Variants in SMIM35 observed in about 807,000 individuals in gnomAD.
SMIM35 encodes the protein TMPRSS4 antisense RNA 1 (non-protein coding).
At chr11:118,049,225 G>A (rs916347714) in intron 1 of SMIM35, among the ~76,000 whole-genome samples, 1 of 152,036 alleles carries the variant, frequency 6.6e-6, no homozygotes, top group African/African-American at 2.4e-5. Context: ...CCTGCCAAGA[G>A]TGGCCGGGAG....
At chr11:118,028,782 A>G in intron 1 of SMIM35, 1 of 451,200 alleles carries the variant, frequency 2.2e-6, no homozygotes, top group South Asian at 1.6e-5. Flanking sequence ...AAGCAAAAGG[A>G]GGAGGAGGAA....
At chr11:118,015,495 G>A (rs534335048) in intron 2 of SMIM35, among the ~76,000 whole-genome samples, 198 bp downstream of exon 2, 14 of 152,162 alleles carry the variant, frequency 9.2e-5, no homozygotes, top group African/African-American at 3.1e-4. Flanking sequence ...CCATTCCCTC[G>A]ATAAAAGTAC....
chr11:118,023,927 C>T (rs910685415), intron 1 of SMIM35, among the ~76,000 whole-genome samples: 12 of 150,812 alleles, frequency 8.0e-5, no homozygotes, highest in Non-Finnish European at 1.6e-4. Flanking sequence ...ACCAGCAACT[C>T]GGGAGGCTGA....
intron 1 of SMIM35, among the ~76,000 whole-genome samples, chr11:118,055,014 G>A (rs557411073): frequency 2.0e-4 from 31 of 151,958 alleles, no homozygotes; most frequent in Admixed American, 6.6e-4. Context: ...CAAGTTGATC[G>A]GGCTGGACTC....
chr11:118,046,698 C>T (rs1944101676), intron 1 of SMIM35, among the ~76,000 whole-genome samples: 1 of 152,218 alleles, frequency 6.6e-6, no homozygotes, highest in African/African-American at 2.4e-5. Context: ...TCCAAGGAAA[C>T]TCTCCAGAGG....
chr11:118,042,763 T>G (rs553350117), intron 1 of SMIM35, among the ~76,000 whole-genome samples: 20 of 152,312 alleles, frequency 1.3e-4, no homozygotes, highest in East Asian at 5.8e-4. Context: ...AACAAAATAC[T>G]AGCAAACCAA....
intron 1 of SMIM35, among the ~76,000 whole-genome samples, chr11:118,018,711 G>A (rs1026074957): frequency 3.3e-5 from 5 of 152,176 alleles, no homozygotes; most frequent in Non-Finnish European, 7.3e-5. Flanking sequence ...CTGAGGTGAG[G>A]GAAGGAGATG....
intron 1 of SMIM35, among the ~76,000 whole-genome samples, chr11:118,023,163 G>A (rs1382482709): frequency 6.6e-6 from 1 of 151,816 alleles, no homozygotes; most frequent in East Asian, 2.0e-4. Context: ...GACCCATAAT[G>A]AACAGAACAA....
chr11:118,031,808 A>G (rs772892675), intron 1 of SMIM35: 2 of 151,976 alleles, frequency 1.3e-5, no homozygotes, highest in Non-Finnish European at 2.9e-5. Context: ...TGAGACAAAC[A>G]GAAATGGCAT....
chr11:118,019,159 T>A (rs2058206441), intron 1 of SMIM35, among the ~76,000 whole-genome samples: 1 of 152,222 alleles, frequency 6.6e-6, no homozygotes. Flanking sequence ...TTTACATGTT[T>A]TCAAACTTTA....
Position 118,081,924 on chromosome 11 carries a change from G to C in SMIM35, c.7+4827C>G, listed in dbSNP as rs530336290. 1.1e-3 allele frequency among the ~76,000 whole-genome samples: 164 copies of C among 152,256 alleles called. 1 individual carries two copies. Among genetic ancestry groups the C allele is most frequent in the African/African-American group, 3.7e-3 (155 of 41,552 alleles). ...ACTGCTTTCCCACACTCCAGACAAA[G>C]CCTGACACTCACTCACTCACTGATG... is the stretch of plus-strand genomic sequence containing the variant. On this transcript the variant is annotated intron_variant, in intron 1 of 4. Coordinates refer to ENST00000689828, the MANE Select transcript of SMIM35 (RefSeq NM_001394165.1).
intron 1 of SMIM35, among the ~76,000 whole-genome samples, chr11:118,076,792 A>G (rs188437028): frequency 1.7e-3 from 261 of 151,890 alleles, no homozygotes; most frequent in African/African-American, 5.9e-3. Context: ...AAACCAAAGC[A>G]CCCACACAGT....
intron 1 of SMIM35, among the ~76,000 whole-genome samples, chr11:118,054,126 G>A (rs1001251291): frequency 1.3e-5 from 2 of 148,570 alleles, no homozygotes; most frequent in African/African-American, 4.9e-5. Flanking sequence ...GTTCGAATTT[G>A]TTTTATGCAG....
chr11:118,036,826 T>C (rs1652862894), intron 1 of SMIM35, among the ~76,000 whole-genome samples: 2 of 152,222 alleles, frequency 1.3e-5, no homozygotes, highest in African/African-American at 4.8e-5. Flanking sequence ...AGAGCTCCCA[T>C]ACAAAGGGAG....
chr11:118,027,260 C>T (rs898527009), intron 1 of SMIM35, among the ~76,000 whole-genome samples: 2 of 150,612 alleles, frequency 1.3e-5, no homozygotes, highest in Admixed American at 6.6e-5. Flanking sequence ...ATCTCCTGAC[C>T]TCATGATCCA....
At chr11:118,061,555 G>A (rs758461778) in intron 1 of SMIM35, among the ~76,000 whole-genome samples, 3 of 152,138 alleles carry the variant, frequency 2.0e-5, no homozygotes, top group Non-Finnish European at 4.4e-5. Flanking sequence ...GAACACCGTC[G>A]GATCAAAGGA....
At chr11:118,046,387 A>G (rs1944097598) in intron 1 of SMIM35, among the ~76,000 whole-genome samples, 1 of 152,204 alleles carries the variant, frequency 6.6e-6, no homozygotes, top group Non-Finnish European at 1.5e-5. Flanking sequence ...ACACAGGAAG[A>G]TTGGCATCAA....
rs564223501 is a variant in SMIM35, at chr11:118,084,901, G to A, written c.7+1850C>T. ...GATTCAGGCCAGTGTCCCTGCCTCA[G>A]AGTTCAGGAGGAGCAGGATCAAGGG... On this transcript the variant is annotated intron_variant, in intron 1 of 4. Coordinates refer to ENST00000689828, the MANE Select transcript of SMIM35 (RefSeq NM_001394165.1). Among the ~76,000 whole-genome samples the A allele has an allele frequency of 1.5e-4, 23 of 152,320 alleles. No individual in the cohort carries two copies. In the South Asian group the frequency reaches 4.8e-3, roughly 32 times the overall value.
At chr11:118,011,875 C>T (rs1372124258) in intron 4 of SMIM35, among the ~76,000 whole-genome samples, 2 of 152,102 alleles carry the variant, frequency 1.3e-5, no homozygotes, top group East Asian at 3.9e-4. Flanking sequence ...TTCCTCACTC[C>T]CACTTACTCA....
Sources: gnomAD v4.1 joint callset for allele counts (sites outside exome capture counted in the v4.1 genomes callset) on GRCh38, gnomAD v4.1.1 for gene constraint, MANE v1.5 for transcripts, NCBI Gene and HGNC (gene_info 2026-07-23, HGNC 2026-07-21) for gene names.